Variants in GON4L observed in about 807,000 individuals in gnomAD.
The protein encoded by GON4L is GON-4-like protein.
Under a neutral mutation model 211.8 loss-of-function variants are expected in GON4L, and 87 were observed. The ratio of observed to expected loss-of-function variants is 0.41; its 90% CI spans 0.35 to 0.49. The LOEUF (loss-of-function observed/expected upper bound fraction) is 0.49. GON4L is among the 20% of genes least tolerant of loss of function. The probability of loss-of-function intolerance (pLI) is 0.15; values close to 1 mark genes in which losing one functional copy is unlikely to be tolerated. For synonymous variants in GON4L, 875 were observed against 962.6 expected (o/e 0.91, Z 1.68); for missense variants, 2,155 against 2,659.5 (o/e 0.81, Z 4.17).
downstream of GON4L, chr1:155,748,329 G>T (rs542108507): frequency 3.1e-5 from 45 of 1,472,710 alleles, no homozygotes; most frequent in Admixed American, 5.9e-4. Context: ...TCTCTCTGGT[G>T]TTAACATTCT....
At chr1:155,760,700 G>A in intron 23 of GON4L, 59 bp from the exon 24 acceptor site, 1 of 1,147,360 alleles carries the variant, frequency 8.7e-7, no homozygotes, top group Non-Finnish European at 1.3e-6. Context: ...CAAGCAATAA[G>A]GGTACAAGGG....
downstream of GON4L, among the ~76,000 whole-genome samples, chr1:155,745,370 T>C (rs1287431968): frequency 6.6e-6 from 1 of 152,212 alleles, no homozygotes; most frequent in African/African-American, 2.4e-5. Flanking sequence ...TCGTGATCCG[T>C]GTGACTTCTG....
intron 16 of GON4L, among the ~76,000 whole-genome samples, chr1:155,775,678 C>T (rs1212244797): frequency 3.3e-5 from 5 of 152,070 alleles, no homozygotes; most frequent in Admixed American, 6.6e-5. Context: ...AAGCTGTTCT[C>T]GAACTCCTGA....
At chr1:155,779,035 G>A (rs1664126003) in intron 14 of GON4L, among the ~76,000 whole-genome samples, 1 of 151,890 alleles carries the variant, frequency 6.6e-6, no homozygotes, top group South Asian at 2.1e-4. Context: ...GGGAGGCAGA[G>A]GTGGGCGGAT....
In GON4L at chr1:155,750,395, T is replaced by C. The variant is rs1660449919; in HGVS notation, c.*189A>G. On this transcript the variant is annotated 3_prime_UTR_variant, in exon 32 of 32. Transcript: ENST00000368331. ...ATCTGTAAAGTCTTCATAAAAGACCTTGAATGATGCCTAGGATGGCAGAGC... is the reference window on the plus strand; with the variant it reads ...ATCTGTAAAGTCTTCATAAAAGACCCTGAATGATGCCTAGGATGGCAGAGC... 4 of 625,790 alleles carry C rather than the reference T, an allele frequency of 6.4e-6. No individual in the cohort carries two copies. The highest frequency in any genetic ancestry group is 3.9e-5 in the South Asian group (2 of 50,658). The allele number at this position is 625,790 out of a possible 1,614,324, so 38.8% of individuals were successfully genotyped here. A position where few individuals can be genotyped will look rare whatever the true frequency, so the allele number is the denominator to read the frequency against.
chr1:155,836,323 C>T (rs12741580), intron 2 of GON4L, among the ~76,000 whole-genome samples: 1 of 150,866 alleles, frequency 6.6e-6, no homozygotes, highest in East Asian at 2.0e-4. Context: ...AATCTCGGCT[C>T]ACTGCAACCT....
intron 27 of GON4L, 64 bp downstream of exon 27, chr1:155,756,894 A>G (rs1661248001): frequency 8.0e-7 from 1 of 1,257,294 alleles, no homozygotes; most frequent in Non-Finnish European, 1.2e-6. Context: ...ACGCCACTGC[A>G]CTCTAGTTTG....
At chr1:155,815,102 C>CA (rs1177837669) in intron 8 of GON4L, among the ~76,000 whole-genome samples, 30 of 148,458 alleles carry the variant, frequency 2.0e-4, no homozygotes, top group East Asian at 1.8e-3. Flanking sequence ...AGAGGAGACT[C>CA]AAAAAAAAAA....
chr1:155,848,319 T>C (rs1390232627), intron 2 of GON4L, among the ~76,000 whole-genome samples: 1 of 152,232 alleles, frequency 6.6e-6, no homozygotes, highest in Non-Finnish European at 1.5e-5. Context: ...TATGAAGGCA[T>C]GCATCACCAT....
intron 4 of GON4L, 114 bp from the exon 5 acceptor site, chr1:155,821,662 G>A (rs1246943409): frequency 5.6e-6 from 4 of 717,112 alleles, no homozygotes; most frequent in South Asian, 1.4e-5. Flanking sequence ...CCATATACTC[G>A]AATAGCATCA....
At chr1:155,851,052 C>CAAAA (rs55815558) in intron 2 of GON4L, among the ~76,000 whole-genome samples, 3 of 78,474 alleles carry the variant, frequency 3.8e-5, no homozygotes, top group African/African-American at 5.7e-5. Flanking sequence ...GACTCCACCT[C>CAAAA]AAAAAAAAAA....
At chr1:155,774,662 T>G in intron 17 of GON4L, 1 of 394,482 alleles carries the variant, frequency 2.5e-6, no homozygotes, top group African/African-American at 2.1e-5. Context: ...CTTTACCACC[T>G]GACTTTCATC....
chr1:155,796,759 T>C (rs1666107733), intron 11 of GON4L, among the ~76,000 whole-genome samples: 1 of 152,096 alleles, frequency 6.6e-6, no homozygotes. Flanking sequence ...TGTATTGTAT[T>C]GTATCATACA....
At chr1:155,762,936 T>C (rs2101708798) in intron 22 of GON4L, among the ~76,000 whole-genome samples, 2 of 151,504 alleles carry the variant, frequency 1.3e-5, no homozygotes, top group African/African-American at 4.9e-5. Context: ...CTCAGGAGGG[T>C]GAGGCAGGAG....
intron 1 of GON4L, among the ~76,000 whole-genome samples, chr1:155,855,238 C>T (rs968049077): frequency 2.6e-5 from 4 of 152,146 alleles, no homozygotes; most frequent in South Asian, 2.1e-4. Flanking sequence ...ACCTCTTTTA[C>T]GGTACTTATC....
chr1:155,854,078 C>G (rs2102516103), intron 1 of GON4L, among the ~76,000 whole-genome samples: 1 of 149,122 alleles, frequency 6.7e-6, no homozygotes, highest in East Asian at 1.9e-4. Context: ...AATAATTGCT[C>G]TTACTTCATA....
At chr1:155,748,612 C>G (rs1172316733), downstream of GON4L, 4 of 1,613,296 alleles carry the variant, frequency 2.5e-6, no homozygotes, top group Non-Finnish European at 3.4e-6. Flanking sequence ...TAAGTGGTGA[C>G]AGCAGGAGCA....
At chr1:155,794,131 G>A (rs1375051169) in intron 12 of GON4L, among the ~76,000 whole-genome samples, 3 of 151,844 alleles carry the variant, frequency 2.0e-5, no homozygotes, top group Non-Finnish European at 2.9e-5. Context: ...GAGTGCATTG[G>A]CGTGATCTCG....
In GON4L at chr1:155,753,182, G is replaced by A. The variant is rs770011986; in HGVS notation, c.5842+22C>T. 58 of 1,550,036 alleles carry A rather than the reference G, an allele frequency of 3.7e-5. No individual in the cohort carries two copies. The South Asian group carries it at 5.7e-4, about 15-fold the overall frequency. Reference sequence around the variant, plus strand: ...GATAACGAGACTGAGGAACAGAAGGGCTGCGTTGGCAAATCACTCACCTGA... The same window carrying A: ...GATAACGAGACTGAGGAACAGAAGGACTGCGTTGGCAAATCACTCACCTGA... On this transcript the variant is annotated intron_variant, in intron 29 of 31. Coordinates refer to ENST00000368331, the MANE Select transcript of GON4L (RefSeq NM_001282860.2).
Sources: gnomAD v4.1 joint callset for allele counts (sites outside exome capture counted in the v4.1 genomes callset) on GRCh38, gnomAD v4.1.1 for gene constraint, MANE v1.5 for transcripts, NCBI Gene and HGNC (gene_info 2026-07-23, HGNC 2026-07-21) for gene names.